B3GLCT: variants seen among roughly 807,000 people sequenced by gnomAD.
B3GLCT encodes beta-1,3-glucosyltransferase.
In B3GLCT, 65 loss-of-function variants were observed where a neutral mutation model predicts 63.4. The observed-to-expected ratio is 1.03, with a 90% CI of 0.84 to 1.26. The LOEUF (loss-of-function observed/expected upper bound fraction) is 1.26. B3GLCT is among the 50% of genes most tolerant of loss of function. B3GLCT has a pLI of 0.00. For synonymous variants in B3GLCT, 233 were observed against 219.2 expected (o/e 1.06, Z -0.55); for missense variants, 577 against 604.8 (o/e 0.95, Z 0.48).
At chr13:31,206,114 G>A (rs954128572) in intron 1 of B3GLCT, among the ~76,000 whole-genome samples, 1 of 152,092 alleles carries the variant, frequency 6.6e-6, no homozygotes, top group Non-Finnish European at 1.5e-5. Context: ...TTTCGTTTAC[G>A]AGCTAAATGA....
At chr13:31,235,896 C>T (rs935644147) in intron 4 of B3GLCT, among the ~76,000 whole-genome samples, 3 of 152,116 alleles carry the variant, frequency 2.0e-5, no homozygotes, top group East Asian at 1.9e-4. Flanking sequence ...CTGGATTTCT[C>T]GAAGAGTGGA....
intron 14 of B3GLCT, among the ~76,000 whole-genome samples, chr13:31,326,533 G>A (rs572997754): frequency 9.6e-4 from 146 of 151,868 alleles, no homozygotes; most frequent in Non-Finnish European, 1.7e-3. Context: ...CACCTGCCTC[G>A]GCCTCCCAAA....
intron 6 of B3GLCT, among the ~76,000 whole-genome samples, chr13:31,256,170 A>G (rs909689991): frequency 3.3e-5 from 5 of 152,230 alleles, no homozygotes; most frequent in Non-Finnish European, 1.5e-5. Context: ...AGCCAAAAAC[A>G]TATGAAAAAA....
Position 31,255,051 on chromosome 13 carries a change from A to G in B3GLCT, c.460-5895A>G, listed in dbSNP as rs1249770678. Among the ~76,000 whole-genome samples the G allele has an allele frequency of 2.6e-5, 4 of 151,782 alleles. No individual in the cohort carries two copies. In the East Asian group the frequency reaches 5.8e-4, roughly 22 times the overall value. On this transcript the variant is annotated intron_variant, in intron 6 of 14. Transcript: ENST00000343307. ...AGACGCTGTCTCAAAAAAAAAAAAA[A>G]AAAGAAAACCCCATCATCTCAAAAG... is the stretch of plus-strand genomic sequence containing the variant.
chr13:31,314,124 A>G (rs1253940016), intron 12 of B3GLCT, among the ~76,000 whole-genome samples: 1 of 152,224 alleles, frequency 6.6e-6, no homozygotes, highest in African/African-American at 2.4e-5. Context: ...ATGCCCAGGC[A>G]AGTTTGCTGC....
chr13:31,285,775 A>G (rs1228382699), intron 11 of B3GLCT, among the ~76,000 whole-genome samples: 1 of 152,194 alleles, frequency 6.6e-6, no homozygotes, highest in Non-Finnish European at 1.5e-5. Context: ...TAAGTGTATT[A>G]CTGAGTCTGT....
intron 14 of B3GLCT, among the ~76,000 whole-genome samples, chr13:31,325,328 A>G (rs1026419684): frequency 2.0e-5 from 3 of 152,204 alleles, no homozygotes; most frequent in Non-Finnish European, 2.9e-5. Flanking sequence ...AGAAAGCGTT[A>G]TTCTCTGCGG....
intron 14 of B3GLCT, among the ~76,000 whole-genome samples, chr13:31,324,444 C>T (rs7985134): frequency 0.92 from 140,004 of 152,246 alleles, 65,268 homozygotes; most frequent in Non-Finnish European, 0.99. Flanking sequence ...CTTATGTTTA[C>T]CAGGGACGGG....
chr13:31,260,815 ATATT>A, intron 6 of B3GLCT, 127 bp from the exon 7 acceptor site: 1 of 804,032 alleles, frequency 1.2e-6, no homozygotes, highest in Non-Finnish European at 2.0e-6. Context: ...TTCTCTAGAA[ATATT>A]TAATCTGTGC....
chr13:31,218,315 G>A (rs771160286), intron 2 of B3GLCT, among the ~76,000 whole-genome samples: 69 of 150,388 alleles, frequency 4.6e-4, no homozygotes, highest in Non-Finnish European at 5.8e-4. Context: ...TCAGCCTCCC[G>A]AGTAGCTGGG....
chr13:31,218,563 G>A (rs1419318617), intron 2 of B3GLCT, among the ~76,000 whole-genome samples: 1 of 152,110 alleles, frequency 6.6e-6, no homozygotes, highest in Non-Finnish European at 1.5e-5. Flanking sequence ...ACTGATTTTT[G>A]CACATTGATT....
At position 31,199,983 on chromosome 13, in the gene B3GLCT, G is replaced by A; in HGVS notation, c.-102G>A. ...GGAGGAGGGGAGCCGGCAGAGAAGG[G>A]TCAGCCGCGGCGGCAGGGCGGCGGC... is the stretch of plus-strand genomic sequence containing the variant. On this transcript the variant is annotated 5_prime_UTR_variant, in exon 1 of 15. Coordinates refer to ENST00000343307, the MANE Select transcript of B3GLCT (RefSeq NM_194318.4). The A allele has an allele frequency of 3.0e-6, 2 of 660,736 alleles. No individual in the cohort carries two copies. The highest frequency in any genetic ancestry group is 4.1e-6 in the Non-Finnish European group (2 of 488,928). The allele number at this position is 660,736 out of a possible 1,614,324, so 40.9% of individuals were successfully genotyped here.
chr13:31,258,821 A>G (rs1022791895), intron 6 of B3GLCT, among the ~76,000 whole-genome samples: 8 of 152,162 alleles, frequency 5.3e-5, no homozygotes, highest in Non-Finnish European at 4.4e-5. Context: ...TGAGTCTACA[A>G]CTTGATGACT....
intron 10 of B3GLCT, among the ~76,000 whole-genome samples, chr13:31,278,271 A>C (rs1163914459): frequency 6.6e-6 from 1 of 151,290 alleles, no homozygotes; most frequent in Non-Finnish European, 1.5e-5. Flanking sequence ...ACAGAAATGA[A>C]AAAAAAAATA....
chr13:31,278,474 G>A (rs1286866039), intron 10 of B3GLCT, among the ~76,000 whole-genome samples: 1 of 152,160 alleles, frequency 6.6e-6, no homozygotes, highest in East Asian at 1.9e-4. Context: ...AAAGCCAGAT[G>A]CATTGATTTA....
intron 4 of B3GLCT, among the ~76,000 whole-genome samples, chr13:31,238,492 T>C (rs1313388198): frequency 1.3e-5 from 2 of 152,240 alleles, no homozygotes; most frequent in Non-Finnish European, 2.9e-5. Flanking sequence ...TCAGGTTCTA[T>C]TCTATGTGCA....
In B3GLCT at chr13:31,272,636, A is replaced by G. The variant is rs142889577; in HGVS notation, c.661-1873A>G. 5.0e-3 allele frequency among the ~76,000 whole-genome samples: 763 copies of G among 152,274 alleles called. 3 individuals carry two copies. Among genetic ancestry groups the G allele is most frequent in the Non-Finnish European group, 8.4e-3 (571 of 68,014 alleles). ...CTGTACTTTACTGATTATTTTAAAT[A>G]TTTAACATGCTTTCTTAACCTAACA... On this transcript the variant is annotated intron_variant, in intron 8 of 14. Transcript: ENST00000343307.
chr13:31,215,785 T>C (rs1231369333), intron 2 of B3GLCT, among the ~76,000 whole-genome samples: 1 of 152,138 alleles, frequency 6.6e-6, no homozygotes, highest in East Asian at 1.9e-4. Flanking sequence ...ATGTCACAGG[T>C]GTCACAGAAA....
intron 6 of B3GLCT, among the ~76,000 whole-genome samples, chr13:31,251,518 C>T (rs1023830067): frequency 2.0e-5 from 3 of 152,096 alleles, no homozygotes; most frequent in Non-Finnish European, 4.4e-5. Flanking sequence ...TAGAGAAGAA[C>T]GTAAATGACC....
Sources: gnomAD v4.1 joint callset for allele counts (sites outside exome capture counted in the v4.1 genomes callset) on GRCh38, gnomAD v4.1.1 for gene constraint, MANE v1.5 for transcripts, NCBI Gene and HGNC (gene_info 2026-07-23, HGNC 2026-07-21) for gene names.